COPE: variants seen among roughly 807,000 people sequenced by gnomAD.
The protein encoded by COPE is coatomer subunit epsilon.
Under a neutral mutation model 42.1 loss-of-function variants are expected in COPE, and 19 were observed. The observed-to-expected ratio is 0.45, with a 90% CI of 0.31 to 0.66. The LOEUF is 0.66. Ranked by LOEUF, COPE falls within the 30% of genes least tolerant of loss-of-function variation. COPE has a pLI of 0.05. For synonymous variants in COPE, 195 were observed against 181.3 expected, an observed-to-expected ratio of 1.08 and a Z score of -0.60; for missense variants, 402 against 416.1, an observed-to-expected ratio of 0.97 and a Z score of 0.30.
intron 1 of COPE, 57 bp downstream of exon 1, chr19:18,919,166 C>G: frequency 6.4e-7 from 1 of 1,560,260 alleles, no homozygotes; most frequent in Non-Finnish European, 8.7e-7. Flanking sequence ...CTCGCGGCCA[C>G]CAGAAAGCGT....
At chr19:18,904,555 C>T (rs185718845) in intron 6 of COPE, among the ~76,000 whole-genome samples, 14 of 152,394 alleles carry the variant, frequency 9.2e-5, no homozygotes, top group African/African-American at 3.1e-4. Context: ...CCGTCCCCGC[C>T]CCCACCATCT....
chr19:18,911,367 G>A (rs979082024), intron 2 of COPE: 3 of 407,892 alleles, frequency 7.4e-6, no homozygotes, highest in South Asian at 2.9e-5. Flanking sequence ...GGTGAAGGGC[G>A]TGTCACCTGG....
chr19:18,906,755 C>G, intron 4 of COPE: 1 of 562,246 alleles, frequency 1.8e-6, no homozygotes, highest in Admixed American at 3.4e-5. Context: ...GCACCGTGTC[C>G]TTGGATCTGC....
intron 8 of COPE, 83 bp from the exon 9 acceptor site, chr19:18,900,030 G>T: frequency 8.0e-7 from 1 of 1,257,280 alleles, no homozygotes; most frequent in Non-Finnish European, 1.1e-6. Flanking sequence ...GTGGATTGGG[G>T]TGAGAGCCAC....
chr19:18,899,746 A>T lies in COPE; in HGVS notation c.880-20T>A. 4 of 1,613,646 alleles carry T rather than the reference A, an allele frequency of 2.5e-6. No individual in the cohort carries two copies. Among genetic ancestry groups the T allele is most frequent in the Non-Finnish European group, 3.4e-6 (4 of 1,179,930 alleles). ...GTTCTCCTTTAGCAAGACACATGGC[A>T]ACACAGGGTGGGGGCAGGGTGTGGG... On this transcript the variant is annotated intron_variant, in intron 9 of 9. Transcript: ENST00000262812.
At position 18,905,606 on chromosome 19, in the gene COPE, AG is replaced by A; in HGVS notation, c.466del (p.Leu156CysfsTer2). Reference protein sequence around the residue: ...LECTAMTVQILLKLDRLDLAR... With the variant: ...LECTAMTVQIXLKLDRLDLAR... Reference sequence around the variant, plus strand: ...GAGGTCCAGGCGGTCCAGCTTCAGCAGGATCTGCACTGTCATGGCTGTGCTG... The same window carrying A: ...GAGGTCCAGGCGGTCCAGCTTCAGCAGATCTGCACTGTCATGGCTGTGCTG... On this transcript the variant is annotated frameshift_variant, in exon 5 of 10. Coordinates refer to ENST00000262812, the MANE Select transcript of COPE (RefSeq NM_007263.4). LOFTEE classifies it high-confidence loss of function. 6.3e-7 allele frequency: 1 copy of A among 1,593,680 alleles called. No homozygotes were observed. The highest frequency in any genetic ancestry group is 8.5e-7 in the Non-Finnish European group (1 of 1,177,670).
intron 7 of COPE, 45 bp downstream of exon 7, chr19:18,903,223 C>T (rs1284371999): frequency 6.6e-7 from 1 of 1,513,034 alleles, no homozygotes; most frequent in Non-Finnish European, 8.9e-7. Context: ...CCTCTGGCCG[C>T]CTGGCCTTCC....
At chr19:18,907,211 G>C in intron 3 of COPE, 99 bp from the exon 4 acceptor site, 1 of 1,347,020 alleles carries the variant, frequency 7.4e-7, no homozygotes, top group Non-Finnish European at 1.0e-6. Flanking sequence ...GAGAGGGTGA[G>C]CCAGGCCCTG....
chr19:18,914,862 T>C (rs1309274269), intron 1 of COPE, among the ~76,000 whole-genome samples: 2 of 149,090 alleles, frequency 1.3e-5, no homozygotes, highest in Non-Finnish European at 3.0e-5. Context: ...GTTCAAGAGA[T>C]TTTTCTGCCT....
At chr19:18,913,877 G>T (rs1368999112) in intron 1 of COPE, among the ~76,000 whole-genome samples, 1 of 152,222 alleles carries the variant, frequency 6.6e-6, no homozygotes, top group African/African-American at 2.4e-5. Context: ...AAAGGACCCA[G>T]TGCCCAAACC....
chr19:18,908,460 C>A (rs1391553168), intron 3 of COPE, among the ~76,000 whole-genome samples: 1 of 149,688 alleles, frequency 6.7e-6, no homozygotes, highest in Non-Finnish European at 1.5e-5. Context: ...AATTACTGGG[C>A]GGATCGCTTG....
intron 3 of COPE, among the ~76,000 whole-genome samples, chr19:18,907,811 T>C (rs530987398): frequency 2.0e-5 from 3 of 152,314 alleles, no homozygotes; most frequent in Non-Finnish European, 1.5e-5. Flanking sequence ...CAAACGTGGC[T>C]CTGTGACCCC....
At chr19:18,910,627 G>A (rs1267910131) in intron 3 of COPE, 6 of 254,216 alleles carry the variant, frequency 2.4e-5, no homozygotes, top group South Asian at 2.3e-4. Context: ...CCCTGCCCCC[G>A]CTGCGCCCTG....
chr19:18,912,950 A>C, intron 2 of COPE, 34 bp downstream of exon 2: 3 of 1,607,602 alleles, frequency 1.9e-6, no homozygotes, highest in Non-Finnish European at 2.5e-6. Context: ...TACTCTGTTC[A>C]TCACTCTTGC....
At position 18,919,227 on chromosome 19, in the gene COPE, AC is replaced by A; in HGVS notation, c.121del (p.Val41Ter). 1 of 1,610,794 alleles carries A rather than the reference AC, an allele frequency of 6.2e-7. No homozygotes were observed. Among genetic ancestry groups the A allele is most frequent in the South Asian group, 1.1e-5 (1 of 90,952 alleles). ...CGCGCCCCTGCGCGGCCGCACCTTC[AC>A]CCGCTGCGCCTCGTTTATGCACTGC... ...YQQCINEAQRVKLSSPERDVE... is the reference protein window; with the variant it reads ...YQQCINEAQRXKLSSPERDVE... On this transcript the variant is annotated frameshift_variant, in exon 1 of 10. Transcript: ENST00000262812. LOFTEE classifies it high-confidence loss of function.
In COPE at chr19:18,919,360, C is replaced by A; in HGVS notation, c.-12G>T. The A allele has an allele frequency of 6.2e-7, 1 of 1,612,024 alleles. No homozygotes were observed. The highest frequency in any genetic ancestry group is 8.5e-7 in the Non-Finnish European group (1 of 1,179,194). On this transcript the variant is annotated 5_prime_UTR_variant, in exon 1 of 10. Transcript: ENST00000262812. ...GCCGGAGGCGCCATTTCGCTGTCTT[C>A]TCACCAGCTCCTCTTCCTGAAAGAC...
At chr19:18,908,388 C>T (rs533546572) in intron 3 of COPE, among the ~76,000 whole-genome samples, 1 of 152,158 alleles carries the variant, frequency 6.6e-6, no homozygotes, top group South Asian at 2.1e-4. Context: ...GGTCACACCT[C>T]TGCACTCCAG....
At chr19:18,909,733 A>T (rs1224786441) in intron 3 of COPE, among the ~76,000 whole-genome samples, 1 of 151,830 alleles carries the variant, frequency 6.6e-6, no homozygotes, top group African/African-American at 2.4e-5. Context: ...CTGGTCTTGA[A>T]AACTCCTGAC....
intron 2 of COPE, among the ~76,000 whole-genome samples, chr19:18,911,628 T>C (rs2056811306): frequency 6.7e-6 from 1 of 150,216 alleles, no homozygotes; most frequent in Admixed American, 6.6e-5. Flanking sequence ...CTCGGCTCAC[T>C]GCAAGCTCCA....
Sources: allele counts gnomAD v4.1 joint callset (sites outside exome capture counted in the v4.1 genomes callset), GRCh38; gene constraint gnomAD v4.1.1; transcripts MANE v1.5; gene names NCBI Gene and HGNC (gene_info 2026-07-23, HGNC 2026-07-21).